The following MIPOL1 variants were observed in gnomAD, a reference collection of about 807,000 sequenced individuals.
MIPOL1 encodes mirror-image polydactyly gene 1 protein.
In MIPOL1, 57 loss-of-function variants were observed where a neutral mutation model predicts 60.9. The ratio of observed to expected loss-of-function variants is 0.94; its 90% confidence interval spans 0.76 to 1.17. MIPOL1 has a LOEUF of 1.17. Ranked by LOEUF, MIPOL1 falls within the 50% of genes most tolerant of loss-of-function variation. MIPOL1 has a pLI of 0.00. For missense variants in MIPOL1, 551 were observed against 511.6 expected (o/e 1.08, Z -0.74); for synonymous variants, 179 against 168.8 (o/e 1.06, Z -0.47).
intron 10 of MIPOL1, among the ~76,000 whole-genome samples, chr14:37,372,277 C>T (rs2092660867): frequency 6.6e-6 from 1 of 151,878 alleles, no homozygotes; most frequent in Non-Finnish European, 1.5e-5. Flanking sequence ...ATAATTATGG[C>T]AAAATCAGTT....
chr14:37,323,102 GT>G (rs2088783065), intron 9 of MIPOL1, among the ~76,000 whole-genome samples: 1 of 151,984 alleles, frequency 6.6e-6, no homozygotes. Context: ...GATTTTTATG[GT>G]TTTAGGTCTT....
chr14:37,490,624 A>G (rs147198248), intron 11 of MIPOL1, among the ~76,000 whole-genome samples: 1 of 152,190 alleles, frequency 6.6e-6, no homozygotes, highest in Non-Finnish European at 1.5e-5. Flanking sequence ...AGCGAAGACT[A>G]TGGGAAAACC....
chr14:37,543,025 C>A (rs899044372), intron 12 of MIPOL1, among the ~76,000 whole-genome samples: 1 of 152,146 alleles, frequency 6.6e-6, no homozygotes, highest in Non-Finnish European at 1.5e-5. Flanking sequence ...CAGCGAAAAT[C>A]TACTGTTCTT....
chr14:37,222,118 G>T (rs1968883164), intron 1 of MIPOL1, among the ~76,000 whole-genome samples: 1 of 152,094 alleles, frequency 6.6e-6, no homozygotes, highest in Non-Finnish European at 1.5e-5. Flanking sequence ...AATACAAGTG[G>T]CAAAGGTATA....
At chr14:37,310,008 C>A (rs995383750) in intron 9 of MIPOL1, among the ~76,000 whole-genome samples, 19 of 151,968 alleles carry the variant, frequency 1.3e-4, no homozygotes, top group African/African-American at 4.3e-4. Flanking sequence ...TTCTATCAAT[C>A]TTACTAACTC....
intron 9 of MIPOL1, among the ~76,000 whole-genome samples, chr14:37,332,714 A>G (rs1487798533): frequency 3.3e-5 from 5 of 149,810 alleles, no homozygotes; most frequent in Non-Finnish European, 5.9e-5. Context: ...TTAGTTGTCA[A>G]TCTGTGGTAC....
chr14:37,380,192 A>G (rs1270750554), intron 10 of MIPOL1, among the ~76,000 whole-genome samples: 1 of 152,162 alleles, frequency 6.6e-6, no homozygotes, highest in East Asian at 1.9e-4. Context: ...AGAAGTCAGT[A>G]TATAAAGAAA....
chr14:37,246,020 A>C (rs1973146519), intron 1 of MIPOL1, among the ~76,000 whole-genome samples: 1 of 152,160 alleles, frequency 6.6e-6, no homozygotes, highest in Admixed American at 6.6e-5. Context: ...ATATGCCTAT[A>C]ATGACAGTTA....
chr14:37,309,650 T>C (rs924709252), intron 9 of MIPOL1, among the ~76,000 whole-genome samples: 2 of 152,032 alleles, frequency 1.3e-5, no homozygotes, highest in Non-Finnish European at 2.9e-5. Context: ...CCAGCTGCTA[T>C]CTTTCTAGCT....
chr14:37,322,040 A>G (rs1002899075), intron 9 of MIPOL1, among the ~76,000 whole-genome samples: 5 of 151,994 alleles, frequency 3.3e-5, no homozygotes, highest in East Asian at 1.9e-4. Flanking sequence ...TTATCACATT[A>G]TCTAGGTATT....
chr14:37,488,821 G>A (rs1287308964), intron 11 of MIPOL1, among the ~76,000 whole-genome samples: 1 of 152,036 alleles, frequency 6.6e-6, no homozygotes, highest in African/African-American at 2.4e-5. Flanking sequence ...TTAGTCTGAT[G>A]GGCTTCCCTT....
At position 37,244,104 on chromosome 14, in the gene MIPOL1, C is replaced by CTTTTTTTTTTTTT. The variant is rs143933758; in HGVS notation, c.-198-2979_-198-2967dup. On this transcript the variant is annotated intron_variant, in intron 1 of 12. Coordinates refer to ENST00000684589, the MANE Select transcript of MIPOL1 (RefSeq NM_001388067.1). ...TTTTCTTCCATGTAAGACTCACTTCCTTTTTTTTTTTTTTTTTTTTTTTTT... is the reference window on the plus strand; with the variant it reads ...TTTTCTTCCATGTAAGACTCACTTCCTTTTTTTTTTTTTTTTTTTTTTTTTTTTTTTTTTTTTT... 1.4e-3 allele frequency among the ~76,000 whole-genome samples: 71 copies of CTTTTTTTTTTTTT among 51,612 alleles called. 28 individuals are homozygous for CTTTTTTTTTTTTT. Among genetic ancestry groups the CTTTTTTTTTTTTT allele is most frequent in the South Asian group, 4.3e-3 (4 of 928 alleles). The allele number at this position is 51,612 out of a possible 152,430, so 33.9% of individuals were successfully genotyped here.
chr14:37,208,121 A>G (rs1003505752), intron 1 of MIPOL1, among the ~76,000 whole-genome samples: 4 of 152,134 alleles, frequency 2.6e-5, no homozygotes, highest in African/African-American at 9.7e-5. Flanking sequence ...TTTAGATTTT[A>G]TACTGTTTTG....
intron 6 of MIPOL1, among the ~76,000 whole-genome samples, chr14:37,272,565 T>C (rs1423217453): frequency 6.6e-6 from 1 of 151,430 alleles, no homozygotes; most frequent in Non-Finnish European, 1.5e-5. Flanking sequence ...GAATAGGAGG[T>C]ACAGTCAAAA....
At chr14:37,347,358 A>T (rs992593171) in intron 9 of MIPOL1, among the ~76,000 whole-genome samples, 6 of 152,200 alleles carry the variant, frequency 3.9e-5, no homozygotes, top group Non-Finnish European at 8.8e-5. Flanking sequence ...CACTGAAATT[A>T]AAAAATATGT....
At chr14:37,325,491 C>T (rs1416526599) in intron 9 of MIPOL1, among the ~76,000 whole-genome samples, 4 of 148,956 alleles carry the variant, frequency 2.7e-5, no homozygotes, top group African/African-American at 7.4e-5. Context: ...CTTCTTCCTC[C>T]CTCCCTTTCT....
In MIPOL1 at chr14:37,549,207, A is replaced by T. The variant is rs1398591522; in HGVS notation, c.*2236A>T. ...CACACTGCTGAGAAATGTTGCTTTG[A>T]GTTTGCTTTACACATCATCAACTCT... is the stretch of plus-strand genomic sequence containing the variant. On this transcript the variant is annotated 3_prime_UTR_variant, in exon 13 of 13. Transcript: ENST00000684589. The T allele has an allele frequency of 6.6e-6, 1 of 151,842 alleles. No individual in the cohort carries two copies. The highest frequency in any genetic ancestry group is 6.6e-5 in the Admixed American group (1 of 15,252). 9.4% of individuals were successfully genotyped at this position (151,842 alleles called of 1,614,324 possible).
In MIPOL1 at chr14:37,340,629, A is replaced by G. The variant is rs1174260497; in HGVS notation, c.829-28888A>G. Among the ~76,000 whole-genome samples, 45 of 151,318 alleles carry G rather than the reference A, an allele frequency of 3.0e-4. 1 individual carries two copies. Among genetic ancestry groups the G allele is most frequent in the Non-Finnish European group, 1.5e-5 (1 of 67,860 alleles). ...CTCGGGAGGAGCTTGAGCCAAGGAGATTGAGGCTGCAGTGAGCTATGATCA... is the reference window on the plus strand; with the variant it reads ...CTCGGGAGGAGCTTGAGCCAAGGAGGTTGAGGCTGCAGTGAGCTATGATCA... On this transcript the variant is annotated intron_variant, in intron 9 of 12. Transcript: ENST00000684589.
intron 1 of MIPOL1, among the ~76,000 whole-genome samples, chr14:37,230,409 T>A (rs1970439955): frequency 1.3e-5 from 2 of 152,222 alleles, no homozygotes; most frequent in Non-Finnish European, 2.9e-5. Context: ...CCAGTGGAAC[T>A]TTGAAGAGAG....
Sources: gnomAD v4.1 joint callset for allele counts (sites outside exome capture counted in the v4.1 genomes callset) on GRCh38, gnomAD v4.1.1 for gene constraint, MANE v1.5 for transcripts, NCBI Gene and HGNC (gene_info 2026-07-23, HGNC 2026-07-21) for gene names.